OTOF: variants seen among roughly 807,000 people sequenced by gnomAD.
OTOF encodes otoferlin, also known as fer-1-like family member 2.
Under a neutral mutation model 236.8 loss-of-function variants are expected in OTOF, and 218 were observed. The ratio of observed to expected loss-of-function variants is 0.92; its 90% CI spans 0.82 to 1.03. The LOEUF (loss-of-function observed/expected upper bound fraction) is 1.03. OTOF is among the 50% of genes least tolerant of loss of function. The pLI is 0.00. For missense variants in OTOF, 2,590 were observed against 2,694.4 expected, an observed-to-expected ratio of 0.96 and a Z score of 0.86; for synonymous variants, 1,041 against 1,072.5, an observed-to-expected ratio of 0.97 and a Z score of 0.57.
intron 5 of OTOF, among the ~76,000 whole-genome samples, chr2:26,506,203 T>C (rs1666243823): frequency 6.6e-6 from 1 of 152,206 alleles, no homozygotes; most frequent in African/African-American, 2.4e-5. Context: ...TTGGGATTCC[T>C]TTTTGCCCAG....
intron 32 of OTOF, among the ~76,000 whole-genome samples, chr2:26,469,045 G>T (rs753673240): frequency 6.6e-6 from 1 of 151,198 alleles, no homozygotes; most frequent in Non-Finnish European, 1.5e-5. Context: ...AGAACTTAAA[G>T]TATAATTTAA....
chr2:26,557,319 C>A (rs921031512), intron 1 of OTOF, among the ~76,000 whole-genome samples: 1 of 152,180 alleles, frequency 6.6e-6, no homozygotes, highest in Non-Finnish European at 1.5e-5. Context: ...CGTCCCCATC[C>A]CACTCTCAGA....
At chr2:26,549,028 C>G (rs1035998885) in intron 1 of OTOF, among the ~76,000 whole-genome samples, 3 of 152,132 alleles carry the variant, frequency 2.0e-5, no homozygotes, top group African/African-American at 7.2e-5. Flanking sequence ...TACAATTTTA[C>G]ACTTTTCTTC....
intron 18 of OTOF, among the ~76,000 whole-genome samples, chr2:26,478,225 AAC>A (rs1329334062): frequency 6.6e-6 from 1 of 152,170 alleles, no homozygotes. Context: ...TCCCACAGGA[AAC>A]ACAGGTCAGC....
chr2:26,512,920 G>C (rs1477835403), intron 5 of OTOF, among the ~76,000 whole-genome samples: 1 of 152,222 alleles, frequency 6.6e-6, no homozygotes, highest in East Asian at 1.9e-4. Flanking sequence ...CACAAATGGG[G>C]AGGGGGGTTC....
intron 5 of OTOF, chr2:26,510,709 G>T (rs1428870681): frequency 1.6e-6 from 2 of 1,289,182 alleles, no homozygotes; most frequent in South Asian, 2.5e-5. Flanking sequence ...ACCTACTTGT[G>T]CTCGTCATCT....
At chr2:26,482,748 TG>T (rs1424047979) in intron 13 of OTOF, among the ~76,000 whole-genome samples, 156 bp from the exon 14 acceptor site, 4 of 147,154 alleles carry the variant, frequency 2.7e-5, no homozygotes, top group African/African-American at 1.0e-4. Context: ...TGTGTGCGTG[TG>T]TGAGTGGGTG....
intron 13 of OTOF, 55 bp from the exon 14 acceptor site, chr2:26,482,647 A>G (rs1014617506): frequency 2.8e-5 from 41 of 1,454,728 alleles, no homozygotes; most frequent in Non-Finnish European, 3.7e-5. Context: ...GAGTGGGTGC[A>G]TGTGTGTGTG....
chr2:26,483,136 C>T (rs551025473), intron 13 of OTOF, among the ~76,000 whole-genome samples: 3 of 141,586 alleles, frequency 2.1e-5, no homozygotes, highest in Non-Finnish European at 3.1e-5. Context: ...TGAGTGGGTG[C>T]GTGTCTGCAT....
At chr2:26,546,922 ACATAACCAAT>A (rs1477428162) in intron 1 of OTOF, among the ~76,000 whole-genome samples, 1 of 152,176 alleles carries the variant, frequency 6.6e-6, no homozygotes, top group East Asian at 1.9e-4. Context: ...AGGATTTTCT[ACATAACCAAT>A]CAGGTTTTCT....
intron 2 of OTOF, among the ~76,000 whole-genome samples, chr2:26,532,682 G>A (rs1291939616): frequency 6.6e-6 from 1 of 151,902 alleles, no homozygotes; most frequent in Non-Finnish European, 1.5e-5. Flanking sequence ...TGGAGGGAGT[G>A]ATCTCAGGAG....
Position 26,484,480 on chromosome 2 carries a change from A to G in OTOF, c.1199T>C (p.Ile400Thr), listed in dbSNP as rs375182427. The G allele has an allele frequency of 1.9e-6, 3 of 1,613,894 alleles. No homozygotes were observed. The highest frequency in any genetic ancestry group is 2.5e-6 in the Non-Finnish European group (3 of 1,179,980). Residue 400 changes from isoleucine (I) to threonine (T), a missense_variant, in exon 12 of 47, where the codon ATT becomes ACT. By Grantham distance (89) the Ile-to-Thr change is moderately conservative. Transcript: ENST00000272371. ...TGGGGTAGCTGGGCCTCACCCCTCA[A>G]TGTCATCTTCGTCGGTCTCATTGGC... is the stretch of plus-strand genomic sequence containing the variant. ...HKANETDEDD[I>T]EGNLLLPEGV...
rs552728920 is a variant in OTOF, at chr2:26,510,690, G to A, written c.509+5728C>T. On this transcript the variant is annotated intron_variant, in intron 5 of 46. Transcript: ENST00000272371. ...CAGAGACGCTGTTGCGTCTGCCCTC[G>A]CCTGGGACACCTACTTGTGCTCGTC... 281 of 1,287,614 alleles carry A rather than the reference G, an allele frequency of 2.2e-4. 4 individuals are homozygous for A. The South Asian group carries it at 3.1e-3, about 14-fold the overall frequency. The allele number at this position is 1,287,614 out of a possible 1,614,324, so 79.8% of individuals were successfully genotyped here.
At chr2:26,484,676 C>A in intron 11 of OTOF, 43 bp from the exon 12 acceptor site, 1 of 1,607,572 alleles carries the variant, frequency 6.2e-7, no homozygotes, top group South Asian at 1.1e-5. Context: ...CACCCCCACC[C>A]AGAGCGTCTC....
chr2:26,534,174 C>A (rs1379705305), intron 2 of OTOF, among the ~76,000 whole-genome samples: 1 of 152,206 alleles, frequency 6.6e-6, no homozygotes, highest in Non-Finnish European at 1.5e-5. Flanking sequence ...GAGTCTAATG[C>A]TTGTGTCAAG....
chr2:26,481,881 A>T (rs1350623986), intron 14 of OTOF, among the ~76,000 whole-genome samples: 1 of 152,096 alleles, frequency 6.6e-6, no homozygotes, highest in Non-Finnish European at 1.5e-5. Context: ...TGTTTTGACC[A>T]TTTGGTAGCA....
At chr2:26,483,326 C>T in intron 13 of OTOF, 136 bp downstream of exon 13, 1 of 821,942 alleles carries the variant, frequency 1.2e-6, no homozygotes, top group South Asian at 1.4e-5. Context: ...AGTGAGGATC[C>T]TCTAAGTCCG....
In OTOF at chr2:26,457,208, G is replaced by A. The variant is rs1480581188; in HGVS notation, c.*1030C>T. The A allele has an allele frequency of 6.6e-6, 1 of 152,530 alleles. No homozygotes were observed. The highest frequency in any genetic ancestry group is 6.5e-5 in the Admixed American group (1 of 15,292). The allele number at this position is 152,530 out of a possible 1,614,324, so 9.4% of individuals were successfully genotyped here. A position where few individuals can be genotyped will look rare whatever the true frequency, so the allele number is the denominator to read the frequency against. Reference sequence around the variant, plus strand: ...ACCAGTGCAGACCTGTCAGCTCAGTGCTTGACTTCTTTTATTTAGAGAAAA... The same window carrying A: ...ACCAGTGCAGACCTGTCAGCTCAGTACTTGACTTCTTTTATTTAGAGAAAA... On this transcript the variant is annotated 3_prime_UTR_variant, in exon 47 of 47. Coordinates refer to ENST00000272371, the MANE Select transcript of OTOF (RefSeq NM_194248.3). This position sits in a 1 kb window ranked among gnomAD's most constrained non-coding sequence, Gnocchi z 4.4.
At chr2:26,558,105 C>T (rs948793880) in intron 1 of OTOF, among the ~76,000 whole-genome samples, 27 of 151,840 alleles carry the variant, frequency 1.8e-4, no homozygotes, top group Non-Finnish European at 3.8e-4. Flanking sequence ...GCTCCATACC[C>T]GGCCCCCACC....
Sources: gnomAD v4.1 joint callset for allele counts (sites outside exome capture counted in the v4.1 genomes callset) on GRCh38, gnomAD v4.1.1 for gene constraint, Gnocchi (gnomAD v3.1) non-coding constraint, MANE v1.5 for transcripts, NCBI Gene and HGNC (gene_info 2026-07-23, HGNC 2026-07-21) for gene names.